The following RBMS1 variants were observed in gnomAD, a reference collection of about 807,000 sequenced individuals.
RBMS1 encodes RNA binding motif single stranded interacting protein 1.
A neutral mutation model predicts 62.3 loss-of-function variants in RBMS1; 17 were observed. That is an observed-to-expected ratio of 0.27 (90% CI 0.19 to 0.41). RBMS1 has a LOEUF of 0.41. Ranked by LOEUF, RBMS1 falls within the 10% of genes least tolerant of loss-of-function variation. The pLI is 1.00. For synonymous variants in RBMS1, 172 were observed against 170.0 expected (o/e 1.01, Z -0.09); for missense variants, 334 against 504.5 (o/e 0.66, Z 3.24).
intron 3 of RBMS1, 125 bp downstream of exon 3, chr2:160,318,044 C>T: frequency 7.2e-7 from 1 of 1,388,380 alleles, no homozygotes; most frequent in Admixed American, 2.6e-5. Context: ...AAGACAGAAA[C>T]TGGGTGATAT....
At chr2:160,389,698 C>CAAAAAA (rs61570926) in intron 1 of RBMS1, among the ~76,000 whole-genome samples, 6 of 50,380 alleles carry the variant, frequency 1.2e-4, no homozygotes, top group Non-Finnish European at 1.6e-4. Context: ...ACTCTTGTCT[C>CAAAAAA]AAAAAAAAAA....
rs1356890398 is a variant in RBMS1, at chr2:160,390,714, C to T, written c.76-23323G>A. Among the ~76,000 whole-genome samples the T allele has an allele frequency of 5.1e-5, 7 of 136,556 alleles. No homozygotes were observed. In the East Asian group the frequency reaches 6.2e-4, roughly 12 times the overall value. The allele number at this position is 136,556 out of a possible 152,430, so 89.6% of individuals were successfully genotyped here. On this transcript the variant is annotated intron_variant, in intron 1 of 13. Transcript: ENST00000348849. ...AAAAAAAAAAAAAAAAAAAAAGCAA[C>T]GAGGAACTTTTGGCTGGAATGGCAG...
At chr2:160,458,788 C>T (rs1684348150) in intron 1 of RBMS1, among the ~76,000 whole-genome samples, 1 of 142,698 alleles carries the variant, frequency 7.0e-6, no homozygotes, top group Non-Finnish European at 1.5e-5. Context: ...CAGGAACAAA[C>T]TCTGTCTCAA....
chr2:160,421,154 T>A (rs1215192658), intron 1 of RBMS1, among the ~76,000 whole-genome samples: 5 of 151,954 alleles, frequency 3.3e-5, no homozygotes, highest in East Asian at 1.9e-4. Context: ...CTTTTTTTTT[T>A]TATTATTATA....
At chr2:160,480,291 A>C (rs1685312749) in intron 1 of RBMS1, among the ~76,000 whole-genome samples, 1 of 152,222 alleles carries the variant, frequency 6.6e-6, no homozygotes, top group Non-Finnish European at 1.5e-5. Flanking sequence ...GGGGAAATAC[A>C]GTTATATTTT....
At chr2:160,318,780 TC>T (rs1181575589) in intron 2 of RBMS1, among the ~76,000 whole-genome samples, 2 of 152,246 alleles carry the variant, frequency 1.3e-5, no homozygotes, top group Non-Finnish European at 2.9e-5. Context: ...GTCAAACAGA[TC>T]CTTTTTACTG....
intron 3 of RBMS1, among the ~76,000 whole-genome samples, chr2:160,315,613 T>C (rs1339547931): frequency 6.6e-6 from 1 of 152,208 alleles, no homozygotes; most frequent in Non-Finnish European, 1.5e-5. Flanking sequence ...TACCCTTATT[T>C]TTCCTGTTAG....
At chr2:160,354,961 T>A (rs962890748) in intron 2 of RBMS1, among the ~76,000 whole-genome samples, 13 of 152,146 alleles carry the variant, frequency 8.5e-5, no homozygotes, top group African/African-American at 2.9e-4. Context: ...ACACCATTTA[T>A]GGAAACTCAT....
intron 1 of RBMS1, among the ~76,000 whole-genome samples, chr2:160,463,322 T>C (rs1170610426): frequency 2.0e-5 from 3 of 152,242 alleles, no homozygotes; most frequent in East Asian, 1.9e-4. Context: ...TCAGTAGATA[T>C]CTACTTTCAT....
At chr2:160,400,563 A>T (rs1695382567) in intron 1 of RBMS1, among the ~76,000 whole-genome samples, 1 of 152,142 alleles carries the variant, frequency 6.6e-6, no homozygotes, top group Non-Finnish European at 1.5e-5. Context: ...AAAACAGGTG[A>T]TTGTGATAAT....
intron 1 of RBMS1, among the ~76,000 whole-genome samples, chr2:160,379,957 C>T (rs962456849): frequency 3.9e-5 from 6 of 152,128 alleles, no homozygotes; most frequent in Admixed American, 2.0e-4. Context: ...GAACTCAGTT[C>T]CTACACTTGA....
intron 2 of RBMS1, among the ~76,000 whole-genome samples, chr2:160,349,564 A>AGG (rs1262976236): frequency 6.6e-6 from 1 of 150,612 alleles, no homozygotes; most frequent in Non-Finnish European, 1.5e-5. Context: ...AGAGAGAGAG[A>AGG]GAGAGAGAGA....
intron 1 of RBMS1, among the ~76,000 whole-genome samples, chr2:160,490,638 T>C: frequency 6.6e-6 from 1 of 152,174 alleles, no homozygotes; most frequent in East Asian, 1.9e-4. Context: ...CAAAATAGAC[T>C]GGATCACTAA....
intron 1 of RBMS1, among the ~76,000 whole-genome samples, chr2:160,465,863 CAT>C (rs949548730): frequency 1.8e-4 from 20 of 108,500 alleles, no homozygotes; most frequent in African/African-American, 6.5e-4. Context: ...CACACACACA[CAT>C]ACACACACAC....
chr2:160,309,532 A>G (rs1050576922), intron 4 of RBMS1, among the ~76,000 whole-genome samples: 1 of 152,194 alleles, frequency 6.6e-6, no homozygotes, highest in African/African-American at 2.4e-5. Context: ...AAATTCCAGC[A>G]GAAAGGGGCT....
intron 2 of RBMS1, among the ~76,000 whole-genome samples, chr2:160,345,556 T>C (rs1236395176): frequency 6.6e-6 from 1 of 152,158 alleles, no homozygotes; most frequent in Non-Finnish European, 1.5e-5. Flanking sequence ...AAGCAACCCT[T>C]GCTGGTAACT....
At chr2:160,432,221 C>G (rs546560950) in intron 1 of RBMS1, 3 of 152,234 alleles carry the variant, frequency 2.0e-5, no homozygotes, top group South Asian at 2.1e-4. Context: ...AGTGGTAAAG[C>G]AGACTCTGAT....
At chr2:160,441,753 A>G (rs781527043) in intron 1 of RBMS1, among the ~76,000 whole-genome samples, 1 of 152,222 alleles carries the variant, frequency 6.6e-6, no homozygotes, top group South Asian at 2.1e-4. Context: ...GTTCTCTAAC[A>G]TAGTTAGACC....
intron 1 of RBMS1, among the ~76,000 whole-genome samples, chr2:160,468,985 T>C (rs1361915671): frequency 6.6e-6 from 1 of 152,200 alleles, no homozygotes; most frequent in Non-Finnish European, 1.5e-5. Context: ...CAGTCTCTAA[T>C]GCCATTTCTT....
Sources: allele counts gnomAD v4.1 joint callset (sites outside exome capture counted in the v4.1 genomes callset), GRCh38; gene constraint gnomAD v4.1.1; transcripts MANE v1.5; gene names NCBI Gene and HGNC (gene_info 2026-07-23, HGNC 2026-07-21).